TBC1D32: variants seen among roughly 807,000 people sequenced by gnomAD.
The protein encoded by TBC1D32 is protein broad-minded.
Under a neutral mutation model 170.3 loss-of-function variants are expected in TBC1D32, and 151 were observed. The ratio of observed to expected loss-of-function variants is 0.89; its 90% CI spans 0.78 to 1.01. The LOEUF (loss-of-function observed/expected upper bound fraction) is 1.01, where lower values mean the gene tolerates loss of function less well. Among genes scored for constraint, TBC1D32 ranks in the 50% least tolerant of loss-of-function variants. The pLI is 0.00. For missense variants in TBC1D32, 1,464 were observed against 1,457.1 expected, an observed-to-expected ratio of 1.00 and a Z score of -0.08; for synonymous variants, 498 against 488.0, an observed-to-expected ratio of 1.02 and a Z score of -0.27.
chr6:121,111,166 G>C (rs2128196162), intron 29 of TBC1D32, among the ~76,000 whole-genome samples: 1 of 152,164 alleles, frequency 6.6e-6, no homozygotes, highest in African/African-American at 2.4e-5. Flanking sequence ...CTTGTTTTCA[G>C]TTTTATAGAA....
chr6:121,177,811 A>T (rs1478934982), intron 22 of TBC1D32, among the ~76,000 whole-genome samples: 1 of 152,182 alleles, frequency 6.6e-6, no homozygotes, highest in Non-Finnish European at 1.5e-5. Flanking sequence ...ATATGCAAGT[A>T]TTTCAAAATC....
chr6:121,117,649 C>T (rs1779823617), intron 26 of TBC1D32, among the ~76,000 whole-genome samples: 2 of 152,140 alleles, frequency 1.3e-5, no homozygotes, highest in East Asian at 3.9e-4. Flanking sequence ...TGGGAGTGGG[C>T]TGAGATCATG....
intron 12 of TBC1D32, among the ~76,000 whole-genome samples, chr6:121,287,139 T>A (rs1218011477): frequency 6.6e-6 from 1 of 152,098 alleles, no homozygotes. Flanking sequence ...CAGGATCAAA[T>A]TCACACATAA....
chr6:121,199,695 G>T (rs1308245028), intron 22 of TBC1D32, among the ~76,000 whole-genome samples: 1 of 151,056 alleles, frequency 6.6e-6, no homozygotes, highest in East Asian at 1.9e-4. Context: ...TTGTCATCAT[G>T]TTATATTCTA....
intron 17 of TBC1D32, among the ~76,000 whole-genome samples, chr6:121,243,105 G>A (rs1293626282): frequency 6.6e-6 from 1 of 151,726 alleles, no homozygotes; most frequent in Non-Finnish European, 1.5e-5. Flanking sequence ...TAGGTATAAT[G>A]AAAATTTTAT....
At position 121,091,552 on chromosome 6, in the gene TBC1D32, G is replaced by C. The variant is rs1027109803; in HGVS notation, c.3466-511C>G. 3.9e-5 allele frequency among the ~76,000 whole-genome samples: 6 copies of C among 152,162 alleles called. No homozygotes were observed. The South Asian group carries it at 6.2e-4, about 16-fold the overall frequency. On this transcript the variant is annotated intron_variant, in intron 30 of 31. Coordinates refer to ENST00000398212, the MANE Select transcript of TBC1D32 (RefSeq NM_152730.6). Reference sequence around the variant, plus strand: ...AACATAAAATCTGGGAGCTAATGCAGAGAATATTTTAAAAATGAGACTTTT... The same window carrying C: ...AACATAAAATCTGGGAGCTAATGCACAGAATATTTTAAAAATGAGACTTTT...
chr6:121,112,586 T>C lies in TBC1D32; in HGVS notation c.3243A>G (p.Lys1081=). 1.2e-6 allele frequency: 2 copies of C among 1,611,344 alleles called. No homozygotes were observed. Among genetic ancestry groups the C allele is most frequent in the Non-Finnish European group, 1.7e-6 (2 of 1,178,326 alleles). Reference sequence around the variant, plus strand: ...GATGAAGAAATTGGAATGTTTTTTCTTTGTCTCCCAACATTATCATGAACA... The same window carrying C: ...GATGAAGAAATTGGAATGTTTTTTCCTTGTCTCCCAACATTATCATGAACA... ...SSLFMIMLGD[K]EKTFQFLHQF... is the part of the protein sequence containing the mutation. The change falls in exon 29 of 32, where the codon AAA becomes AAG. Residue 1081 remains lysine (K), a synonymous_variant. Transcript: ENST00000398212.
chr6:121,317,726 T>G, intron 2 of TBC1D32, 54 bp from the exon 3 acceptor site: 1 of 1,283,922 alleles, frequency 7.8e-7, no homozygotes, highest in Non-Finnish European at 1.1e-6. Flanking sequence ...ATTAAAACAG[T>G]CAACTAGTTA....
intron 31 of TBC1D32, among the ~76,000 whole-genome samples, chr6:121,086,559 CT>C: frequency 6.6e-6 from 1 of 152,142 alleles, no homozygotes; most frequent in Admixed American, 6.5e-5. Flanking sequence ...TGACAATTTA[CT>C]GATTGAGTTG....
chr6:121,096,457 G>C (rs1383096993), intron 30 of TBC1D32, among the ~76,000 whole-genome samples: 1 of 151,966 alleles, frequency 6.6e-6, no homozygotes, highest in East Asian at 1.9e-4. Flanking sequence ...TTGCTACAAA[G>C]AAAATAAAAT....
At chr6:121,315,558 C>T (rs1420946408) in intron 3 of TBC1D32, among the ~76,000 whole-genome samples, 1 of 152,042 alleles carries the variant, frequency 6.6e-6, no homozygotes, top group Admixed American at 6.6e-5. Context: ...TGAATTAAAG[C>T]CCATTCTATT....
At chr6:121,269,087 T>C (rs1267744810) in intron 15 of TBC1D32, among the ~76,000 whole-genome samples, 1 of 152,244 alleles carries the variant, frequency 6.6e-6, no homozygotes, top group African/African-American at 2.4e-5. Context: ...CCACCAGGCC[T>C]GCCTTACAAG....
intron 13 of TBC1D32, 53 bp downstream of exon 13, chr6:121,283,765 T>C: frequency 7.3e-7 from 1 of 1,364,950 alleles, no homozygotes; most frequent in Non-Finnish European, 1.0e-6. Context: ...ATAGAATACT[T>C]AAATATTTTT....
intron 20 of TBC1D32, among the ~76,000 whole-genome samples, chr6:121,234,987 C>T (rs1563011027): frequency 6.6e-6 from 1 of 151,782 alleles, no homozygotes; most frequent in African/African-American, 2.4e-5. Context: ...TCTTCTGGGT[C>T]TAGCCATCCA....
intron 31 of TBC1D32, among the ~76,000 whole-genome samples, chr6:121,086,100 TAAG>T (rs1005420546): frequency 3.9e-5 from 6 of 152,090 alleles, no homozygotes; most frequent in African/African-American, 1.4e-4. Flanking sequence ...AACAAAGAAA[TAAG>T]AAGAATCTAG....
At chr6:121,278,637 A>T (rs914688887) in intron 15 of TBC1D32, among the ~76,000 whole-genome samples, 1 of 152,140 alleles carries the variant, frequency 6.6e-6, no homozygotes, top group Admixed American at 6.6e-5. Flanking sequence ...TATTCACCTA[A>T]GAAAATTCCC....
chr6:121,224,469 A>C (rs1230053015), intron 20 of TBC1D32: 1 of 152,184 alleles, frequency 6.6e-6, no homozygotes, highest in Non-Finnish European at 1.5e-5. Context: ...CAGAAATTTG[A>C]AAATTCAGAA....
intron 1 of TBC1D32, among the ~76,000 whole-genome samples, chr6:121,333,857 G>A (rs371812131): frequency 2.0e-5 from 3 of 152,086 alleles, no homozygotes; most frequent in Admixed American, 1.3e-4. Context: ...ACTTGAGGTA[G>A]GGAGTTCGAG....
At chr6:121,224,483 T>C (rs1794851791) in intron 20 of TBC1D32, 3 of 152,068 alleles carry the variant, frequency 2.0e-5, no homozygotes. Flanking sequence ...TTCAGAAAAT[T>C]AAAAAGAACA....
Sources: allele counts gnomAD v4.1 joint callset (sites outside exome capture counted in the v4.1 genomes callset), GRCh38; gene constraint gnomAD v4.1.1; transcripts MANE v1.5; gene names NCBI Gene and HGNC (gene_info 2026-07-23, HGNC 2026-07-21).